DENND1B: variants seen among roughly 807,000 people sequenced by gnomAD.
The protein encoded by DENND1B is DENN domain-containing protein 1B.
A neutral mutation model predicts 90.1 loss-of-function variants in DENND1B; 59 were observed. The ratio of observed to expected loss-of-function variants is 0.65; its 90% CI spans 0.53 to 0.81. The LOEUF (loss-of-function observed/expected upper bound fraction) is 0.81. DENND1B is among the 40% of genes least tolerant of loss of function. The probability of loss-of-function intolerance (pLI) is 0.00; values close to 1 mark genes in which losing one functional copy is unlikely to be tolerated. For synonymous variants in DENND1B, 337 were observed against 324.6 expected, an observed-to-expected ratio of 1.04 and a Z score of -0.41; for missense variants, 862 against 912.6, an observed-to-expected ratio of 0.94 and a Z score of 0.71.
intron 6 of DENND1B, among the ~76,000 whole-genome samples, chr1:197,656,716 T>C (rs1232922781): frequency 6.6e-6 from 1 of 151,994 alleles, no homozygotes; most frequent in East Asian, 1.9e-4. Flanking sequence ...GGTGAGTGGA[T>C]TGCTTGATCC....
At chr1:197,524,115 T>C (rs972210591) in intron 20 of DENND1B, among the ~76,000 whole-genome samples, 2 of 151,646 alleles carry the variant, frequency 1.3e-5, no homozygotes, top group Non-Finnish European at 2.9e-5. Context: ...GCAGGAAAAA[T>C]AAGACAAACA....
chr1:197,512,836 T>C (rs1316807931), intron 21 of DENND1B, 35 bp downstream of exon 21: 2 of 1,594,170 alleles, frequency 1.3e-6, no homozygotes, highest in African/African-American at 2.7e-5. Context: ...TGTTAAGCCA[T>C]TCCACTTAAT....
chr1:197,544,194 T>C (rs1384730604), intron 18 of DENND1B, among the ~76,000 whole-genome samples: 3 of 152,100 alleles, frequency 2.0e-5, no homozygotes, highest in Admixed American at 6.6e-5. Context: ...GACAAAAATA[T>C]GTATAAAAGC....
chr1:197,530,703 T>C (rs1669552684), intron 20 of DENND1B, among the ~76,000 whole-genome samples: 2 of 152,150 alleles, frequency 1.3e-5, no homozygotes, highest in African/African-American at 4.8e-5. Flanking sequence ...GTTCAAGATA[T>C]ATGATATGGT....
At chr1:197,638,234 T>C (rs896477934) in intron 10 of DENND1B, among the ~76,000 whole-genome samples, 7 of 152,216 alleles carry the variant, frequency 4.6e-5, no homozygotes, top group African/African-American at 1.7e-4. Context: ...TCATAACATA[T>C]TGCTTGCTCT....
upstream of DENND1B, among the ~76,000 whole-genome samples, chr1:197,780,272 T>A (rs1657393696): frequency 6.6e-6 from 1 of 151,876 alleles, no homozygotes; most frequent in African/African-American, 2.4e-5. Context: ...TTCATGGTCT[T>A]CCAGTTCATC....
At chr1:197,701,113 T>C (rs1344599814) in intron 3 of DENND1B, among the ~76,000 whole-genome samples, 1 of 152,176 alleles carries the variant, frequency 6.6e-6, no homozygotes. Flanking sequence ...CATTCTACTA[T>C]AAAGACACAC....
intron 15 of DENND1B, among the ~76,000 whole-genome samples, chr1:197,571,599 T>C (rs1377786688): frequency 6.6e-6 from 1 of 152,210 alleles, no homozygotes; most frequent in Non-Finnish European, 1.5e-5. Context: ...CTCTGAACTT[T>C]TTGCTCACTG....
chr1:197,543,501 AT>A (rs1240760040), intron 18 of DENND1B, among the ~76,000 whole-genome samples: 1 of 152,158 alleles, frequency 6.6e-6, no homozygotes, highest in Non-Finnish European at 1.5e-5. Flanking sequence ...CTGTGAAACC[AT>A]TTTTAGAATC....
chr1:197,547,831 A>T (rs200650297), intron 16 of DENND1B, among the ~76,000 whole-genome samples: 1 of 6,404 alleles, frequency 1.6e-4, no homozygotes, highest in Admixed American at 1.7e-3. Context: ...AAACAACAAC[A>T]AAAAAAACCC....
intron 9 of DENND1B, among the ~76,000 whole-genome samples, chr1:197,644,289 T>C (rs1184197506): frequency 6.6e-6 from 1 of 152,238 alleles, no homozygotes; most frequent in Non-Finnish European, 1.5e-5. Context: ...TAAACAGGAC[T>C]TTCTGCAAAA....
intron 2 of DENND1B, chr1:197,762,048 C>G (rs1655120192): frequency 6.6e-6 from 1 of 151,926 alleles, no homozygotes; most frequent in Admixed American, 6.6e-5. Context: ...TCAGAACAAT[C>G]TTTTACTAAT....
At chr1:197,592,170 C>T (rs1354823182) in intron 14 of DENND1B, among the ~76,000 whole-genome samples, 1 of 148,922 alleles carries the variant, frequency 6.7e-6, no homozygotes, top group Non-Finnish European at 1.5e-5. Context: ...AGAAATATGC[C>T]ACACTAGAGC....
intron 3 of DENND1B, among the ~76,000 whole-genome samples, chr1:197,714,589 A>T (rs887724795): frequency 6.6e-6 from 1 of 152,176 alleles, no homozygotes; most frequent in African/African-American, 2.4e-5. Flanking sequence ...TTCAACTTCT[A>T]TATGTAAATG....
chr1:197,616,578 A>C (rs1366963591), intron 11 of DENND1B, among the ~76,000 whole-genome samples: 1 of 151,078 alleles, frequency 6.6e-6, no homozygotes, highest in Admixed American at 6.6e-5. Flanking sequence ...TATTAACGTA[A>C]TCAATATGTG....
At chr1:197,594,248 G>A (rs1675487744) in intron 14 of DENND1B, among the ~76,000 whole-genome samples, 1 of 152,068 alleles carries the variant, frequency 6.6e-6, no homozygotes, top group African/African-American at 2.4e-5. Flanking sequence ...CACTTGAGTG[G>A]GAACCACTAA....
At chr1:197,621,327 A>G (rs142301485) in intron 10 of DENND1B, among the ~76,000 whole-genome samples, 1 of 151,416 alleles carries the variant, frequency 6.6e-6, no homozygotes, top group African/African-American at 2.4e-5. Flanking sequence ...AGAGCCTTCT[A>G]GGACATGGCA....
chr1:197,675,961 C>T (rs1656020361), intron 3 of DENND1B, among the ~76,000 whole-genome samples: 2 of 151,528 alleles, frequency 1.3e-5, no homozygotes, highest in South Asian at 4.2e-4. Flanking sequence ...TTCTGTGAAA[C>T]AGCCTCAGCT....
chr1:197,777,895 T>C (rs894262560), upstream of DENND1B, among the ~76,000 whole-genome samples: 2 of 152,180 alleles, frequency 1.3e-5, no homozygotes, highest in African/African-American at 4.8e-5. Context: ...TGGGGTACAG[T>C]GTTCTAAATA....
Sources: allele counts gnomAD v4.1 joint callset (sites outside exome capture counted in the v4.1 genomes callset), GRCh38; gene constraint gnomAD v4.1.1; transcripts MANE v1.5; gene names NCBI Gene and HGNC (gene_info 2026-07-23, HGNC 2026-07-21).